Variants in ZNF596 observed in about 807,000 individuals in gnomAD.
ZNF596 encodes zinc finger protein 596.
ZNF596 carries 45 observed loss-of-function variants against 48.3 expected under a neutral mutation model. The ratio of observed to expected loss-of-function variants is 0.93; its 90% confidence interval spans 0.73 to 1.19. The LOEUF (loss-of-function observed/expected upper bound fraction) is 1.19, where lower values mean the gene tolerates loss of function less well. Among genes scored for constraint, ZNF596 ranks in the 50% most tolerant of loss-of-function variants. The pLI is 0.00. For synonymous variants in ZNF596, 270 were observed against 202.0 expected (o/e 1.34, Z -2.85); for missense variants, 848 against 599.7 (o/e 1.41, Z -4.32).
intron 1 of ZNF596, among the ~76,000 whole-genome samples, chr8:233,994 C>G (rs1226340741): frequency 6.6e-6 from 1 of 152,166 alleles, no homozygotes; most frequent in African/African-American, 2.4e-5. Context: ...CCAAGACACA[C>G]ACATAGTGAC....
intron 1 of ZNF596, among the ~76,000 whole-genome samples, chr8:239,408 G>T (rs909278390): frequency 1.3e-5 from 2 of 152,094 alleles, no homozygotes; most frequent in Non-Finnish European, 2.9e-5. Flanking sequence ...AGTTGGCCAG[G>T]CTGGTTTTGA....
At position 246,843 on chromosome 8, in the gene ZNF596, AT is replaced by A. The variant is rs1239236592; in HGVS notation, c.*487del. ...ATAAAAACAGGAAATATGTGAAAAT[AT>A]TTTTTATTAGGTGGATGAGGCCTCT... On this transcript the variant is annotated 3_prime_UTR_variant, in exon 6 of 6. Coordinates refer to ENST00000398612, the MANE Select transcript of ZNF596 (RefSeq NM_001042416.3). 1 of 154,788 alleles carries A rather than the reference AT, an allele frequency of 6.5e-6. No homozygotes were observed. Among genetic ancestry groups the A allele is most frequent in the African/African-American group, 2.4e-5 (1 of 41,460 alleles). 9.6% of individuals were successfully genotyped at this position (154,788 alleles called of 1,614,324 possible). A position where few individuals can be genotyped will look rare whatever the true frequency, so the allele number is the denominator to read the frequency against.
intron 1 of ZNF596, chr8:233,684 T>C (rs1363301327): frequency 6.6e-6 from 1 of 152,192 alleles, no homozygotes; most frequent in African/African-American, 2.4e-5. Context: ...AATAGACTGC[T>C]CAAAGATATT....
rs748853841 is a variant in ZNF596 at position 245,392 on chromosome 8, T to C, written c.545T>C (p.Leu182Pro). 1.2e-6 allele frequency: 2 copies of C among 1,614,188 alleles called. No homozygotes were observed. Among genetic ancestry groups the C allele is most frequent in the East Asian group, 2.2e-5 (1 of 44,880 alleles). Residue 182 changes from leucine (L) to proline (P), a missense_variant, in exon 6 of 6, where the codon CTT becomes CCT. By Grantham distance (98) the Leu-to-Pro change is moderately conservative. Transcript: ENST00000398612. The stretch of plus-strand genomic sequence containing the variant: ...TATGCCTTTATCCAAAACTCTGCCC[T>C]TAGACCACACAGTGTGACTCACACT... ...FDYAFIQNSA[L>P]RPHSVTHTRE...
Position 245,238 on chromosome 8 carries a change from A to T in ZNF596, c.391A>T (p.Ile131Phe), listed in dbSNP as rs768037834. ...TQHIALTQNV[I>F]TYMRTKHFVS... ...ACATATAGCATTGACTCAAAATGTG[A>T]TTACCTACATGAGAACGAAACACTT... Residue 131 changes from isoleucine (I) to phenylalanine (F), a missense_variant, in exon 6 of 6, where the codon ATT becomes TTT. By Grantham distance (21) the Ile-to-Phe change is conservative. Coordinates refer to ENST00000398612, the MANE Select transcript of ZNF596 (RefSeq NM_001042416.3). 8 of 1,613,934 alleles carry T rather than the reference A, an allele frequency of 5.0e-6. No homozygotes were observed. Among genetic ancestry groups the T allele is most frequent in the Non-Finnish European group, 6.8e-6 (8 of 1,180,000 alleles).
intron 5 of ZNF596, 102 bp from the exon 6 acceptor site, chr8:245,052 C>T: frequency 7.4e-7 from 1 of 1,352,082 alleles, no homozygotes; most frequent in East Asian, 2.3e-5. Context: ...TGGAGTCTAC[C>T]ACTGAATGAT....
intron 2 of ZNF596, among the ~76,000 whole-genome samples, chr8:241,190 G>A (rs1276703441): frequency 1.3e-5 from 2 of 152,152 alleles, no homozygotes; most frequent in Admixed American, 1.3e-4. Context: ...TTCATTACGA[G>A]CCTCTCATGG....
intron 1 of ZNF596, among the ~76,000 whole-genome samples, chr8:238,459 A>C (rs1584904445): frequency 6.6e-6 from 1 of 151,844 alleles, no homozygotes; most frequent in East Asian, 1.9e-4. Flanking sequence ...TCAAGATGTG[A>C]CCCTACTGAA....
In ZNF596 at chr8:245,455, C is replaced by T. The variant is rs754577283; in HGVS notation, c.608C>T (p.Thr203Ile). 6 of 1,614,064 alleles carry T rather than the reference C, an allele frequency of 3.7e-6. No individual in the cohort carries two copies. In the Admixed American group the frequency reaches 8.3e-5, roughly 22 times the overall value. Residue 203 changes from threonine (T) to isoleucine (I), a missense_variant, in exon 6 of 6, where the codon ACC becomes ATC. Transcript: ENST00000398612. Reference protein sequence around the residue: ...ITLECRVCGKTFSKNSNLRRH... With the variant: ...ITLECRVCGKIFSKNSNLRRH... Reference sequence around the variant, plus strand: ...TTGGAATGTCGTGTGTGTGGGAAAACCTTTAGCAAAAATTCTAATCTTAGG... The same window carrying T: ...TTGGAATGTCGTGTGTGTGGGAAAATCTTTAGCAAAAATTCTAATCTTAGG...
At chr8:233,868 C>G (rs1385162968) in intron 1 of ZNF596, among the ~76,000 whole-genome samples, 1 of 152,102 alleles carries the variant, frequency 6.6e-6, no homozygotes, top group Non-Finnish European at 1.5e-5. Flanking sequence ...GATCTGAAAT[C>G]TTTAGGGGGC....
intron 1 of ZNF596, chr8:233,147 G>C (rs1455091077): frequency 2.1e-6 from 1 of 467,574 alleles, no homozygotes; most frequent in Non-Finnish European, 4.4e-6. Context: ...TGGGTCTGAG[G>C]AATTTGAACA....
chr8:241,296 G>C (rs1796845622), intron 2 of ZNF596, among the ~76,000 whole-genome samples: 1 of 152,104 alleles, frequency 6.6e-6, no homozygotes, highest in Non-Finnish European at 1.5e-5. Flanking sequence ...AGTGAGAGCA[G>C]GTTATAGCCC....
intron 1 of ZNF596, among the ~76,000 whole-genome samples, chr8:238,200 A>G (rs895279939): frequency 2.6e-5 from 4 of 152,148 alleles, no homozygotes; most frequent in Admixed American, 2.0e-4. Context: ...GCCAAGGTAG[A>G]GAATTTTTAG....
rs1422208667 is a variant in ZNF596, at chr8:246,122, A to G, written c.1275A>G (p.Gly425=). The G allele has an allele frequency of 2.5e-6, 4 of 1,612,906 alleles. No individual in the cohort carries two copies. Among genetic ancestry groups the G allele is most frequent in the Non-Finnish European group, 3.4e-6 (4 of 1,179,332 alleles). The change falls in exon 6 of 6, where the codon GGA becomes GGG. Residue 425 remains glycine (G), a synonymous_variant. Coordinates refer to ENST00000398612, the MANE Select transcript of ZNF596 (RefSeq NM_001042416.3). ...AACCATATGAATGCCATCTATGCGG[A>G]AAAGCCTTCAATCACTCTTCTGTCC... is the stretch of plus-strand genomic sequence containing the variant. The part of the protein sequence containing the change: ...GEKPYECHLC[G]KAFNHSSVLR...
At chr8:238,311 G>A (rs537747104) in intron 1 of ZNF596, among the ~76,000 whole-genome samples, 16 of 152,166 alleles carry the variant, frequency 1.1e-4, no homozygotes, top group Admixed American at 8.5e-4. Flanking sequence ...CGTGAGACTA[G>A]TGGAGGAAAG....
intron 1 of ZNF596, among the ~76,000 whole-genome samples, chr8:236,672 T>C (rs973284270): frequency 1.1e-4 from 17 of 152,216 alleles, no homozygotes; most frequent in Non-Finnish European, 1.5e-5. Context: ...TTTTTTAATC[T>C]TTAAAATTAC....
chr8:245,186 C>A lies in ZNF596; in HGVS notation c.339C>A (p.Cys113Ter), dbSNP rs764965924. 8.1e-6 allele frequency: 13 copies of A among 1,604,114 alleles called. No individual in the cohort carries two copies. The highest frequency in any genetic ancestry group is 9.4e-6 in the Non-Finnish European group (11 of 1,174,068). The change falls in exon 6 of 6, where the codon TGC (cysteine) becomes TGA (stop). Residue 113 changes from cysteine (C) to a stop codon, truncating the protein, a stop_gained. Transcript: ENST00000398612. LOFTEE classifies it high-confidence loss of function. ...ATACTCAAGAGGATCCTTTTCTATG[C>A]AATGACTTAGGAGAAGATTTCACTC... ...RSHTQEDPFL[C>*]NDLGEDFTQH...
rs761073316 is a variant in ZNF596, at chr8:242,901, C to T, written c.27C>T (p.Phe9=). 27 of 1,573,460 alleles carry T rather than the reference C, an allele frequency of 1.7e-5. No homozygotes were observed. Among genetic ancestry groups the T allele is most frequent in the African/African-American group, 2.7e-5 (2 of 73,742 alleles). Residue 9 remains phenylalanine (F), a synonymous_variant, in exon 3 of 6, where the codon TTC becomes TTT. Coordinates refer to ENST00000398612, the MANE Select transcript of ZNF596 (RefSeq NM_001042416.3). ...TAATGTTTTAGGATTCCATGACCTTCGAGGATATCATTGTAGACTTCACTC... is the reference window on the plus strand; with the variant it reads ...TAATGTTTTAGGATTCCATGACCTTTGAGGATATCATTGTAGACTTCACTC... MPSPDSMT[F]EDIIVDFTQE... is the part of the protein sequence containing the mutation.
upstream of ZNF596, chr8:232,430 CT>C: frequency 4.1e-6 from 1 of 241,912 alleles, no homozygotes; most frequent in Non-Finnish European, 8.9e-6. Flanking sequence ...GTGCCCTCCG[CT>C]TTTTGTGGCC....
Sources: allele counts gnomAD v4.1 joint callset (sites outside exome capture counted in the v4.1 genomes callset), GRCh38; gene constraint gnomAD v4.1.1; transcripts MANE v1.5; gene names NCBI Gene and HGNC (gene_info 2026-07-23, HGNC 2026-07-21).